Variants in GRIN2A observed in about 807,000 individuals in gnomAD.
The protein encoded by GRIN2A is glutamate ionotropic receptor NMDA type subunit 2A.
In GRIN2A, 22 loss-of-function variants were observed where a neutral mutation model predicts 113.4. The observed-to-expected ratio is 0.19, with a 90% CI of 0.14 to 0.28. GRIN2A has a LOEUF of 0.28. GRIN2A is among the 10% of genes least tolerant of loss of function. GRIN2A has a pLI of 1.00. For missense variants in GRIN2A, 1,502 were observed against 1,887.0 expected (o/e 0.80, Z 3.78); for synonymous variants, 827 against 738.4 (o/e 1.12, Z -1.94).
intron 2 of GRIN2A, among the ~76,000 whole-genome samples, chr16:10,136,462 T>C (rs2049192951): frequency 2.0e-5 from 3 of 152,356 alleles, no homozygotes; most frequent in African/African-American, 7.2e-5. Context: ...CAATTTAGGA[T>C]GCAAGAGGCA....
chr16:10,175,629 A>T (rs1030242137), intron 2 of GRIN2A, among the ~76,000 whole-genome samples: 2 of 152,200 alleles, frequency 1.3e-5, no homozygotes, highest in African/African-American at 4.8e-5. Context: ...TATACAGATA[A>T]ACAGTTTTTT....
At chr16:10,031,642 C>T (rs2046931049) in intron 2 of GRIN2A, 1 of 152,312 alleles carries the variant, frequency 6.6e-6, no homozygotes, top group African/African-American at 2.4e-5. Flanking sequence ...CTGCACTCCT[C>T]TCCCCTGCAG....
intron 11 of GRIN2A, among the ~76,000 whole-genome samples, chr16:9,788,460 G>T (rs569827429): frequency 6.6e-6 from 1 of 151,890 alleles, no homozygotes; most frequent in Admixed American, 6.6e-5. Flanking sequence ...GTTTTGCCAT[G>T]TTGGCCAGGC....
chr16:9,994,404 T>C (rs1217017680), intron 2 of GRIN2A, among the ~76,000 whole-genome samples: 1 of 152,096 alleles, frequency 6.6e-6, no homozygotes, highest in Non-Finnish European at 1.5e-5. Flanking sequence ...GCCCTCCTCG[T>C]CCCCAGGTGG....
At chr16:10,043,938 T>TAC (rs1170533586) in intron 2 of GRIN2A, among the ~76,000 whole-genome samples, 1 of 148,382 alleles carries the variant, frequency 6.7e-6, no homozygotes, top group Admixed American at 6.7e-5. Context: ...TGTGTATATA[T>TAC]ACACACATAT....
chr16:9,981,705 G>A (rs531219403), intron 2 of GRIN2A, among the ~76,000 whole-genome samples: 17 of 151,874 alleles, frequency 1.1e-4, no homozygotes, highest in African/African-American at 2.4e-4. Flanking sequence ...TTCATATTTC[G>A]CTGATTGTTC....
At chr16:9,888,604 T>C (rs752852166) in intron 4 of GRIN2A, among the ~76,000 whole-genome samples, 18 of 152,028 alleles carry the variant, frequency 1.2e-4, no homozygotes, top group Non-Finnish European at 2.4e-4. Context: ...TTTTCATTAT[T>C]TCATCATTAA....
chr16:9,908,991 G>C (rs2044081502), intron 3 of GRIN2A, among the ~76,000 whole-genome samples: 1 of 152,206 alleles, frequency 6.6e-6, no homozygotes, highest in Admixed American at 6.5e-5. Context: ...GGATCTAGGA[G>C]ACAGGGAGTG....
intron 3 of GRIN2A, among the ~76,000 whole-genome samples, chr16:9,934,879 G>A (rs969661778): frequency 4.0e-5 from 6 of 151,658 alleles, no homozygotes; most frequent in African/African-American, 4.8e-5. Flanking sequence ...TTACACACTG[G>A]GTGGACACCA....
chr16:9,874,274 T>C (rs1354457772), intron 4 of GRIN2A, among the ~76,000 whole-genome samples: 2 of 152,188 alleles, frequency 1.3e-5, no homozygotes, highest in African/African-American at 2.4e-5. Context: ...TAACAAACCA[T>C]ACGGTGGAGT....
At chr16:9,876,849 G>T (rs2141441903) in intron 4 of GRIN2A, among the ~76,000 whole-genome samples, 2 of 152,182 alleles carry the variant, frequency 1.3e-5, no homozygotes, top group Middle Eastern at 3.4e-3. Flanking sequence ...TGGGTGCATG[G>T]GTGGATAAAT....
intron 3 of GRIN2A, among the ~76,000 whole-genome samples, chr16:9,931,174 C>T (rs1302698635): frequency 1.3e-5 from 2 of 152,022 alleles, no homozygotes; most frequent in Admixed American, 6.6e-5. Context: ...TGTCCTACTT[C>T]CCTAACTAAA....
intron 2 of GRIN2A, among the ~76,000 whole-genome samples, chr16:10,171,947 A>T (rs1488748648): frequency 6.6e-6 from 1 of 152,220 alleles, no homozygotes; most frequent in Non-Finnish European, 1.5e-5. Flanking sequence ...CCCTGAATTT[A>T]AATTCAGGCA....
intron 2 of GRIN2A, among the ~76,000 whole-genome samples, chr16:10,068,620 T>C (rs1440989425): frequency 1.3e-5 from 2 of 152,160 alleles, no homozygotes; most frequent in Non-Finnish European, 2.9e-5. Flanking sequence ...CCTCCAACAC[T>C]GGAGATTACA....
intron 2 of GRIN2A, among the ~76,000 whole-genome samples, chr16:10,026,374 TCTATTG>T (rs1250422035): frequency 6.6e-6 from 1 of 152,180 alleles, no homozygotes; most frequent in Non-Finnish European, 1.5e-5. Context: ...GTACAGGGAA[TCTATTG>T]CTATTATTTA....
chr16:10,125,285 A>AT (rs2048911347), intron 2 of GRIN2A, among the ~76,000 whole-genome samples: 1 of 152,072 alleles, frequency 6.6e-6, no homozygotes, highest in Non-Finnish European at 1.5e-5. Flanking sequence ...CCAGTACGGG[A>AT]TTTTTTCAAA....
At chr16:9,929,053 C>G (rs551893803) in intron 3 of GRIN2A, among the ~76,000 whole-genome samples, 1 of 152,190 alleles carries the variant, frequency 6.6e-6, no homozygotes, top group East Asian at 1.9e-4. Flanking sequence ...GAATTTACAG[C>G]GTAACTCTTT....
At chr16:9,941,918 C>T (rs1171903827) in intron 2 of GRIN2A, among the ~76,000 whole-genome samples, 4 of 152,082 alleles carry the variant, frequency 2.6e-5, no homozygotes, top group Non-Finnish European at 5.9e-5. Flanking sequence ...TTTCCAGGTT[C>T]GTACAGGTAG....
intron 2 of GRIN2A, among the ~76,000 whole-genome samples, chr16:10,138,588 C>T (rs1408733037): frequency 7.9e-5 from 12 of 152,016 alleles, no homozygotes; most frequent in Non-Finnish European, 1.3e-4. Flanking sequence ...CTCCCTGACA[C>T]GTGGGGATTA....
Sources: allele counts gnomAD v4.1 joint callset (sites outside exome capture counted in the v4.1 genomes callset), GRCh38; gene constraint gnomAD v4.1.1; transcripts MANE v1.5; gene names NCBI Gene and HGNC (gene_info 2026-07-23, HGNC 2026-07-21).